The following CDK15 variants were observed in gnomAD, a reference collection of about 807,000 sequenced individuals.
CDK15 encodes cyclin dependent kinase 15, also known as cyclin-dependent kinase 15.
In CDK15, 62 loss-of-function variants were observed where a neutral mutation model predicts 60.3. The ratio of observed to expected loss-of-function variants is 1.03; its 90% CI spans 0.84 to 1.27. CDK15 has a LOEUF of 1.27. Ranked by LOEUF, CDK15 falls within the 50% of genes most tolerant of loss-of-function variation. The pLI, the probability that CDK15 is intolerant of heterozygous loss-of-function variation, is 0.00. For synonymous variants in CDK15, 194 were observed against 195.7 expected, an observed-to-expected ratio of 0.99 and a Z score of 0.07; for missense variants, 541 against 527.8, an observed-to-expected ratio of 1.03 and a Z score of -0.25.
chr2:201,841,666 G>A (rs1288913614), intron 8 of CDK15, among the ~76,000 whole-genome samples: 1 of 152,218 alleles, frequency 6.6e-6, no homozygotes, highest in Non-Finnish European at 1.5e-5. Context: ...GTCAGCATTA[G>A]TGCATTTGTC....
chr2:201,837,445 GGAAAGGAA>G (rs1559127401), intron 8 of CDK15, among the ~76,000 whole-genome samples: 1 of 90,422 alleles, frequency 1.1e-5, no homozygotes, highest in African/African-American at 4.4e-5. Context: ...AAGGAAGGAA[GGAAAGGAA>G]GGAAGGAAGG....
intron 10 of CDK15, among the ~76,000 whole-genome samples, chr2:201,869,311 CAG>C (rs1382168508): frequency 6.8e-6 from 1 of 147,250 alleles, no homozygotes; most frequent in Non-Finnish European, 1.5e-5. Context: ...TTCTCACTCA[CAG>C]GGGGGAATTG....
intron 12 of CDK15, among the ~76,000 whole-genome samples, chr2:201,883,467 G>A (rs556979171): frequency 1.3e-5 from 2 of 152,184 alleles, no homozygotes; most frequent in East Asian, 1.9e-4. Flanking sequence ...GTGGCAGTAC[G>A]CTTAGAGCCA....
intron 8 of CDK15, among the ~76,000 whole-genome samples, chr2:201,844,444 A>G (rs1697549414): frequency 1.3e-5 from 2 of 152,186 alleles, no homozygotes; most frequent in Non-Finnish European, 2.9e-5. Context: ...TTGCCTTCAT[A>G]TATTGTTTCA....
chr2:201,839,965 GTTTTTTTTTT>G (rs1697298179), intron 8 of CDK15, among the ~76,000 whole-genome samples: 1 of 144,036 alleles, frequency 6.9e-6, no homozygotes, highest in Admixed American at 6.9e-5. Context: ...TGCTGCTGGG[GTTTTTTTTTT>G]GTTTTTGTTT....
intron 1 of CDK15, among the ~76,000 whole-genome samples, 152 bp from the exon 2 acceptor site, chr2:201,807,342 G>C (rs1441667212): frequency 6.6e-6 from 1 of 152,072 alleles, no homozygotes; most frequent in East Asian, 1.9e-4. Flanking sequence ...TCTTTTTCAG[G>C]GATCTTTCAA....
At chr2:201,815,255 C>T (rs1695941268) in intron 4 of CDK15, among the ~76,000 whole-genome samples, 2 of 152,190 alleles carry the variant, frequency 1.3e-5, no homozygotes. Flanking sequence ...TTTCATACTT[C>T]TTTCAATCCT....
chr2:201,814,961 T>G (rs1559114413), intron 4 of CDK15, among the ~76,000 whole-genome samples: 1 of 151,914 alleles, frequency 6.6e-6, no homozygotes, highest in Non-Finnish European at 1.5e-5. Flanking sequence ...TTTTTTTTTT[T>G]TTTTTTTGAG....
intron 8 of CDK15, among the ~76,000 whole-genome samples, chr2:201,842,573 C>T (rs1697439768): frequency 6.6e-6 from 1 of 152,182 alleles, no homozygotes; most frequent in African/African-American, 2.4e-5. Context: ...TTTCTCCCAA[C>T]AACATTTTGA....
rs1052415487 is a variant in CDK15 at position 201,888,389 on chromosome 2, CT to C, written c.1199-2395del. 7 of 1,511,664 alleles carry C rather than the reference CT, an allele frequency of 4.6e-6. No homozygotes were observed. The African/African-American group carries it at 9.8e-5, about 21-fold the overall frequency. 93.6% of individuals were successfully genotyped at this position (1,511,664 alleles called of 1,614,324 possible). On this transcript the variant is annotated intron_variant, in intron 12 of 13. Transcript: ENST00000652192. The stretch of plus-strand genomic sequence containing the variant: ...GTTTTAAATAAACTTGTCCTGCCGA[CT>C]GTCTAGATGACTGAATTTCCCTTCT...
In CDK15 at chr2:201,882,144, G is replaced by A. The variant is rs1401015083; in HGVS notation, c.1198+1977G>A. ...AAGCAAAGCCACCAACAGAGGGGCC[G>A]TGGTGCATGGGTATCTAAGGTTGTG... On this transcript the variant is annotated intron_variant, in intron 12 of 13. Transcript: ENST00000652192. This position sits in a 1 kb window ranked among gnomAD's most constrained non-coding sequence, Gnocchi z 4.0. Among the ~76,000 whole-genome samples, 7 of 152,128 alleles carry A rather than the reference G, an allele frequency of 4.6e-5. No individual in the cohort carries two copies. Among genetic ancestry groups the A allele is most frequent in the South Asian group, 2.1e-4 (1 of 4,818 alleles).
At chr2:201,855,011 C>T (rs1025151255) in intron 10 of CDK15, 74 bp downstream of exon 10, 154 of 1,392,458 alleles carry the variant, frequency 1.1e-4, no homozygotes, top group Non-Finnish European at 1.3e-4. Context: ...GCTAACAGGG[C>T]GTTCTTGTAT....
In CDK15 at chr2:201,855,553, T is replaced by A. The variant is rs142481276; in HGVS notation, c.1009+616T>A. Among the ~76,000 whole-genome samples, 66 of 152,118 alleles carry A rather than the reference T, an allele frequency of 4.3e-4. No homozygotes were observed. The East Asian group carries it at 0.011, about 25-fold the overall frequency. Reference sequence around the variant, plus strand: ...CTGTCGCAGGGCCACATCAGAGGGATCAGATTAAGCAGTAGTCACTTCAAG... The same window carrying A: ...CTGTCGCAGGGCCACATCAGAGGGAACAGATTAAGCAGTAGTCACTTCAAG... On this transcript the variant is annotated intron_variant, in intron 10 of 13. Coordinates refer to ENST00000652192, the MANE Select transcript of CDK15 (RefSeq NM_001366386.2).
At chr2:201,822,206 C>T (rs912860391) in intron 4 of CDK15, among the ~76,000 whole-genome samples, 1 of 152,146 alleles carries the variant, frequency 6.6e-6, no homozygotes, top group Non-Finnish European at 1.5e-5. Context: ...CAAGTTTGGC[C>T]GACTCCTCTT....
intron 12 of CDK15, among the ~76,000 whole-genome samples, chr2:201,887,737 G>T (rs1436860876): frequency 6.6e-6 from 1 of 152,192 alleles, no homozygotes; most frequent in Admixed American, 6.5e-5. Flanking sequence ...AAGATCATCT[G>T]CTTTAATCGG....
upstream of CDK15, chr2:201,806,493 C>T (rs914317855): frequency 1.6e-5 from 10 of 607,822 alleles, no homozygotes; most frequent in Non-Finnish European, 2.6e-5. Context: ...GAGTTTCTTG[C>T]ACTGATAAGG....
At chr2:201,822,325 C>T (rs1696264812) in intron 4 of CDK15, among the ~76,000 whole-genome samples, 1 of 152,250 alleles carries the variant, frequency 6.6e-6, no homozygotes. Flanking sequence ...GCTTTTATCC[C>T]TGTCTCCCAC....
At chr2:201,823,589 G>A in intron 5 of CDK15, 76 bp from the exon 6 acceptor site, 1 of 1,276,584 alleles carries the variant, frequency 7.8e-7, no homozygotes, top group Non-Finnish European at 1.1e-6. Flanking sequence ...TGACAGTCAA[G>A]TCAATGTTCT....
At chr2:201,832,506 C>G (rs988130618) in intron 6 of CDK15, among the ~76,000 whole-genome samples, 2 of 152,082 alleles carry the variant, frequency 1.3e-5, no homozygotes, top group Admixed American at 1.3e-4. Flanking sequence ...AGCTTCGTGG[C>G]TTGGTGAATG....
Sources: allele counts gnomAD v4.1 joint callset (sites outside exome capture counted in the v4.1 genomes callset), GRCh38; gene constraint gnomAD v4.1.1; non-coding constraint Gnocchi (gnomAD v3.1); transcripts MANE v1.5; gene names NCBI Gene and HGNC (gene_info 2026-07-23, HGNC 2026-07-21).